The following NTM variants were observed in gnomAD, a reference collection of about 807,000 sequenced individuals.
NTM encodes the protein IgLON family member 2.
NTM carries 13 observed loss-of-function variants against 42.1 expected under a neutral mutation model. The ratio of observed to expected loss-of-function variants is 0.31; its 90% CI spans 0.20 to 0.49. The LOEUF is 0.49. NTM is among the 20% of genes least tolerant of loss of function. The pLI, the probability that NTM is intolerant of heterozygous loss-of-function variation, is 0.99. For synonymous variants in NTM, 187 were observed against 179.2 expected, an observed-to-expected ratio of 1.04 and a Z score of -0.35; for missense variants, 373 against 452.8, an observed-to-expected ratio of 0.82 and a Z score of 1.60.
chr11:131,630,729 TCAC>T (rs1324022291), intron 1 of NTM, among the ~76,000 whole-genome samples: 2 of 152,206 alleles, frequency 1.3e-5, no homozygotes, highest in Admixed American at 6.5e-5. Flanking sequence ...ATCATGATTA[TCAC>T]CGCCTGCACT....
chr11:131,675,651 C>T (rs1296392170), intron 1 of NTM, among the ~76,000 whole-genome samples: 1 of 152,122 alleles, frequency 6.6e-6, no homozygotes, highest in Non-Finnish European at 1.5e-5. Flanking sequence ...AAATTCACAC[C>T]CAGCTTGGAC....
chr11:131,879,900 A>G (rs191461687), intron 1 of NTM, among the ~76,000 whole-genome samples: 5 of 152,346 alleles, frequency 3.3e-5, no homozygotes, highest in Admixed American at 2.6e-4. Context: ...TATCTGTTAT[A>G]AAAAGTGGGG....
At chr11:131,913,394 G>T (rs1030192042) in intron 2 of NTM, among the ~76,000 whole-genome samples, 1 of 152,070 alleles carries the variant, frequency 6.6e-6, no homozygotes, top group Non-Finnish European at 1.5e-5. Flanking sequence ...AAATAAACAG[G>T]AAGTGGGTCC....
At chr11:132,121,600 C>T (rs2064833553) in intron 2 of NTM, among the ~76,000 whole-genome samples, 1 of 152,124 alleles carries the variant, frequency 6.6e-6, no homozygotes, top group African/African-American at 2.4e-5. Context: ...AAATCCTCTC[C>T]TGTTTCTCTC....
chr11:132,330,833 G>GTGGCTGAATGAAGAATGGAGGCC (rs1446969797), intron 8 of NTM, among the ~76,000 whole-genome samples: 2 of 152,186 alleles, frequency 1.3e-5, no homozygotes, highest in Non-Finnish European at 2.9e-5. Flanking sequence ...GAGTGGAGGC[G>GTGGCTGAATGAAGAATGGAGGCC]TGGCTGAATG....
At chr11:132,121,471 C>T (rs1000401955) in intron 2 of NTM, among the ~76,000 whole-genome samples, 3 of 151,916 alleles carry the variant, frequency 2.0e-5, no homozygotes, top group Non-Finnish European at 4.4e-5. Context: ...ATGGAAAATG[C>T]CCCAGCTCCA....
intron 1 of NTM, among the ~76,000 whole-genome samples, chr11:131,492,711 G>A (rs1954927536): frequency 6.6e-6 from 1 of 152,140 alleles, no homozygotes; most frequent in African/African-American, 2.4e-5. Context: ...TGTGTCTGGA[G>A]CATGAATATC....
At chr11:132,081,915 G>T (rs7929954) in intron 2 of NTM, among the ~76,000 whole-genome samples, 5 of 147,040 alleles carry the variant, frequency 3.4e-5, no homozygotes, top group African/African-American at 1.2e-4. Context: ...ATATATTCAC[G>T]CCACACACAC....
chr11:131,377,554 G>C (rs1480750700), intron 1 of NTM, among the ~76,000 whole-genome samples: 3 of 152,234 alleles, frequency 2.0e-5, no homozygotes, highest in Non-Finnish European at 4.4e-5. Context: ...TCCTCTATGA[G>C]AACCCTTTTA....
chr11:131,610,292 A>G lies in NTM; in HGVS notation c.82+239404A>G, dbSNP rs570147148. ...ATGGGTCCAGAATCAAAGGCTTTGG[A>G]TTAAACCATGGCAGGAAACCCAGCT... On this transcript the variant is annotated intron_variant, in intron 1 of 8. Transcript: ENST00000683400. 2.7e-3 allele frequency among the ~76,000 whole-genome samples: 406 copies of G among 152,348 alleles called. 3 individuals are homozygous for G. Among genetic ancestry groups the G allele is most frequent in the African/African-American group, 9.6e-3 (398 of 41,586 alleles).
intron 2 of NTM, among the ~76,000 whole-genome samples, chr11:131,964,711 C>T (rs2062613943): frequency 6.6e-6 from 1 of 152,170 alleles, no homozygotes; most frequent in Non-Finnish European, 1.5e-5. Flanking sequence ...CGTCAGCCTC[C>T]CAGTAGCCTG....
intron 2 of NTM, among the ~76,000 whole-genome samples, chr11:132,096,139 C>T (rs1479718129): frequency 6.6e-6 from 1 of 152,180 alleles, no homozygotes; most frequent in African/African-American, 2.4e-5. Flanking sequence ...ATTCCATTGA[C>T]TTTCTCTCCC....
intron 2 of NTM, among the ~76,000 whole-genome samples, chr11:132,033,528 A>G (rs968849337): frequency 1.3e-5 from 2 of 152,222 alleles, no homozygotes; most frequent in African/African-American, 4.8e-5. Flanking sequence ...GTCTTGTCAC[A>G]AACATTGAGA....
At chr11:132,056,521 G>A (rs1053803912) in intron 2 of NTM, among the ~76,000 whole-genome samples, 2 of 152,160 alleles carry the variant, frequency 1.3e-5, no homozygotes, top group Non-Finnish European at 2.9e-5. Flanking sequence ...ATGCATATAG[G>A]AGGTAATCTT....
chr11:132,215,572 C>G (rs1270310652), intron 4 of NTM, among the ~76,000 whole-genome samples: 1 of 152,172 alleles, frequency 6.6e-6, no homozygotes, highest in African/African-American at 2.4e-5. Flanking sequence ...CCCTGTGTAG[C>G]ACTTTATATC....
At chr11:131,660,425 A>C (rs1000168093) in intron 1 of NTM, 1 of 456,338 alleles carries the variant, frequency 2.2e-6, no homozygotes, top group African/African-American at 2.0e-5. Context: ...CTCAGAGCAG[A>C]GTCATTTGAA....
At chr11:131,778,429 AG>A (rs2087453443) in intron 1 of NTM, among the ~76,000 whole-genome samples, 1 of 152,228 alleles carries the variant, frequency 6.6e-6, no homozygotes, top group Non-Finnish European at 1.5e-5. Context: ...TTAATTTCAA[AG>A]TAAAGTCCCT....
At chr11:131,557,857 G>A (rs2055664924) in intron 1 of NTM, among the ~76,000 whole-genome samples, 1 of 152,112 alleles carries the variant, frequency 6.6e-6, no homozygotes, top group African/African-American at 2.4e-5. Flanking sequence ...AAAGAACTAA[G>A]CTCCAGAGTC....
intron 1 of NTM, among the ~76,000 whole-genome samples, chr11:131,525,700 A>G (rs1381442206): frequency 6.6e-6 from 1 of 152,184 alleles, no homozygotes; most frequent in Admixed American, 6.5e-5. Context: ...GGTAATGGGA[A>G]GATAATGGGC....
Sources: allele counts gnomAD v4.1 joint callset (sites outside exome capture counted in the v4.1 genomes callset), GRCh38; gene constraint gnomAD v4.1.1; transcripts MANE v1.5; gene names NCBI Gene and HGNC (gene_info 2026-07-23, HGNC 2026-07-21).